ROCK1: variants seen among roughly 807,000 people sequenced by gnomAD.
ROCK1 encodes rho-associated protein kinase 1.
ROCK1 carries 36 observed loss-of-function variants against 196.8 expected under a neutral mutation model. That is an observed-to-expected ratio of 0.18 (90% confidence interval 0.14 to 0.24). The LOEUF is 0.24. Ranked by LOEUF, ROCK1 falls within the 10% of genes least tolerant of loss-of-function variation. The probability of loss-of-function intolerance (pLI) is 1.00; values close to 1 mark genes in which losing one functional copy is unlikely to be tolerated. For synonymous variants in ROCK1, 443 were observed against 515.9 expected, an observed-to-expected ratio of 0.86 and a Z score of 1.91; for missense variants, 920 against 1,562.0, an observed-to-expected ratio of 0.59 and a Z score of 6.93.
chr18:21,105,945 G>C (rs994968765), intron 1 of ROCK1, among the ~76,000 whole-genome samples: 3 of 152,114 alleles, frequency 2.0e-5, no homozygotes, highest in African/African-American at 7.2e-5. Context: ...AGATGGGAAA[G>C]CACTAGGTCA....
At position 21,029,869 on chromosome 18, in the gene ROCK1, C is replaced by T. The variant is rs571757501; in HGVS notation, c.1052-934G>A. 1.4e-4 allele frequency among the ~76,000 whole-genome samples: 22 copies of T among 151,890 alleles called. No homozygotes were observed. The East Asian group carries it at 4.1e-3, about 28-fold the overall frequency. Reference sequence around the variant, plus strand: ...AAGATACTGTAGTATAATAAAACATCCCTGAATTATGATCATCAAAATACT... The same window carrying T: ...AAGATACTGTAGTATAATAAAACATTCCTGAATTATGATCATCAAAATACT... On this transcript the variant is annotated intron_variant, in intron 9 of 32. Transcript: ENST00000399799.
intron 9 of ROCK1, among the ~76,000 whole-genome samples, chr18:21,038,886 T>C (rs1373574599): frequency 2.0e-5 from 3 of 152,244 alleles, no homozygotes; most frequent in Non-Finnish European, 4.4e-5. Context: ...GTGAATCATC[T>C]TGTAATTTTA....
intron 11 of ROCK1, among the ~76,000 whole-genome samples, chr18:21,022,153 C>G (rs984484792): frequency 2.2e-4 from 34 of 151,732 alleles, no homozygotes; most frequent in African/African-American, 7.7e-4. Flanking sequence ...GTCTCTGTGC[C>G]CCCCCACAAA....
In ROCK1 at chr18:20,948,812, A is replaced by G. The variant is rs537465933; in HGVS notation, c.*2572T>C. 2.0e-5 allele frequency: 3 copies of G among 152,332 alleles called. No homozygotes were observed. In the South Asian group the frequency reaches 6.2e-4, roughly 32 times the overall value. The allele number at this position is 152,332 out of a possible 1,614,324, so 9.4% of individuals were successfully genotyped here. A position where few individuals can be genotyped will look rare whatever the true frequency, so the allele number is the denominator to read the frequency against. ...CAGACGTGAGATGCAGGCTGTGCTA[A>G]ATGCCAGCAAGCAGGGTCATGGAAG... On this transcript the variant is annotated 3_prime_UTR_variant, in exon 33 of 33. Transcript: ENST00000399799.
chr18:21,044,050 G>T, intron 6 of ROCK1, 52 bp downstream of exon 6: 1 of 1,064,850 alleles, frequency 9.4e-7, no homozygotes, highest in Non-Finnish European at 1.4e-6. Flanking sequence ...ATTTTCTAAA[G>T]AAGCATCTAC....
intron 8 of ROCK1, 47 bp downstream of exon 8, chr18:21,042,050 T>A (rs372498434): frequency 7.1e-6 from 11 of 1,547,260 alleles, no homozygotes; most frequent in African/African-American, 5.6e-5. Flanking sequence ...GAGCAGAAGA[T>A]GAGAAGTCCT....
At chr18:21,078,903 C>T (rs1292144475) in intron 1 of ROCK1, among the ~76,000 whole-genome samples, 1 of 152,170 alleles carries the variant, frequency 6.6e-6, no homozygotes, top group Non-Finnish European at 1.5e-5. Flanking sequence ...TCTGGTTCTA[C>T]TGCTTGCTTC....
At chr18:20,993,014 T>A (rs2035639740) in intron 16 of ROCK1, 77 bp from the exon 17 acceptor site, 3 of 849,712 alleles carry the variant, frequency 3.5e-6, no homozygotes, top group Non-Finnish European at 5.6e-6. Context: ...ATTTAGTTTT[T>A]AAAAAATGTT....
At chr18:21,061,324 C>T (rs1219591116) in intron 2 of ROCK1, among the ~76,000 whole-genome samples, 1 of 152,104 alleles carries the variant, frequency 6.6e-6, no homozygotes, top group East Asian at 1.9e-4. Flanking sequence ...AGGTGATCTG[C>T]CCGCTTCAGC....
At chr18:20,957,362 T>C (rs1159234744) in intron 29 of ROCK1, among the ~76,000 whole-genome samples, 1 of 152,252 alleles carries the variant, frequency 6.6e-6, no homozygotes, top group African/African-American at 2.4e-5. Context: ...GAGTGAAAGA[T>C]GCTAGGCACA....
intron 4 of ROCK1, 70 bp downstream of exon 4, chr18:21,049,022 A>C: frequency 7.4e-7 from 1 of 1,350,958 alleles, no homozygotes; most frequent in South Asian, 2.1e-5. Context: ...TCTAAAACAC[A>C]AACTAAGCTT....
chr18:21,023,721 A>G, intron 10 of ROCK1, 41 bp from the exon 11 acceptor site: 1 of 1,091,236 alleles, frequency 9.2e-7, no homozygotes, highest in Non-Finnish European at 1.4e-6. Context: ...AAAACAAAAA[A>G]CTCTGTAATA....
intron 27 of ROCK1, among the ~76,000 whole-genome samples, chr18:20,962,201 T>C (rs756575963): frequency 6.6e-6 from 1 of 152,176 alleles, no homozygotes; most frequent in East Asian, 1.9e-4. Flanking sequence ...CAGAAGACTG[T>C]TGATCACATA....
Position 21,102,201 on chromosome 18 carries a change from T to C in ROCK1, c.93+8617A>G, listed in dbSNP as rs1451596611. Among the ~76,000 whole-genome samples, 3 of 152,334 alleles carry C rather than the reference T, an allele frequency of 2.0e-5. No homozygotes were observed. In the East Asian group the frequency reaches 5.8e-4, roughly 29 times the overall value. ...TCATCCCAAAAAATTGTGATTTTGT[T>C]TGTCTACGCAAGATCCCAGATTCCA... On this transcript the variant is annotated intron_variant, in intron 1 of 32. Transcript: ENST00000399799.
intron 27 of ROCK1, among the ~76,000 whole-genome samples, chr18:20,965,874 T>C (rs555194022): frequency 1.1e-4 from 17 of 152,266 alleles, no homozygotes; most frequent in South Asian, 4.1e-4. Context: ...AGGGATCACA[T>C]AGCATACAGA....
At chr18:20,962,929 G>T (rs911993680) in intron 27 of ROCK1, among the ~76,000 whole-genome samples, 1 of 152,020 alleles carries the variant, frequency 6.6e-6, no homozygotes, top group African/African-American at 2.4e-5. Context: ...ATAGTTGCAA[G>T]ATAATATACT....
chr18:21,055,530 T>C (rs2036239321), intron 2 of ROCK1, among the ~76,000 whole-genome samples: 1 of 152,174 alleles, frequency 6.6e-6, no homozygotes, highest in Non-Finnish European at 1.5e-5. Context: ...CTTTTCATAT[T>C]TTACTATGGG....
intron 8 of ROCK1, 63 bp from the exon 9 acceptor site, chr18:21,039,626 G>A (rs1382652299): frequency 7.8e-5 from 88 of 1,130,352 alleles, no homozygotes; most frequent in Non-Finnish European, 1.1e-4. Flanking sequence ...ACCTGTCCAG[G>A]TTTATTTGTG....
intron 32 of ROCK1, among the ~76,000 whole-genome samples, chr18:20,952,030 TA>T (rs2035192707): frequency 6.6e-6 from 1 of 152,220 alleles, no homozygotes; most frequent in Non-Finnish European, 1.5e-5. Context: ...CTCTGAGCCT[TA>T]TTTACTAATG....
Sources: allele counts gnomAD v4.1 joint callset (sites outside exome capture counted in the v4.1 genomes callset), GRCh38; gene constraint gnomAD v4.1.1; transcripts MANE v1.5; gene names NCBI Gene and HGNC (gene_info 2026-07-23, HGNC 2026-07-21).